Variants in BLTP1 observed in about 807,000 individuals in gnomAD.
The protein encoded by BLTP1 is fragile site-associated protein.
At chr4:122,284,556 A>G in the BLTP1 span, among the ~76,000 whole-genome samples, 1 of 152,180 alleles carries the variant, frequency 6.6e-6, no homozygotes, top group Non-Finnish European at 1.5e-5. Flanking sequence ...ATATGAATAT[A>G]TGCAGACATG....
the BLTP1 span, chr4:122,237,213 T>C: frequency 1.0e-6 from 1 of 985,442 alleles, no homozygotes; most frequent in South Asian, 4.7e-5. Flanking sequence ...AAAACAGGGA[T>C]GGTAGGAGGA....
chr4:122,258,851 A>G, the BLTP1 span: 3 of 1,577,688 alleles, frequency 1.9e-6, no homozygotes, highest in African/African-American at 2.7e-5. Flanking sequence ...AAGGTATATT[A>G]TTGCTCTTTT....
chr4:122,164,442 T>C, the BLTP1 span: 1 of 983,910 alleles, frequency 1.0e-6, no homozygotes, highest in African/African-American at 1.7e-5. Context: ...AGAATCTCCT[T>C]CCACTGATTA....
At chr4:122,209,414 A>C in the BLTP1 span, 1 of 1,406,244 alleles carries the variant, frequency 7.1e-7, no homozygotes, top group South Asian at 1.2e-5. Context: ...GGAGGCCGAG[A>C]TGGGTGGATC....
At chr4:122,250,197 A>T in the BLTP1 span, 1 of 372,088 alleles carries the variant, frequency 2.7e-6, no homozygotes, top group Non-Finnish European at 3.7e-6. Context: ...GTATATGCCT[A>T]CAATTATTTA....
At chr4:122,217,975 C>T in the BLTP1 span, among the ~76,000 whole-genome samples, 1 of 152,094 alleles carries the variant, frequency 6.6e-6, no homozygotes, top group South Asian at 2.1e-4. Context: ...TATCCATCTC[C>T]TCTGGATTTT....
At chr4:122,210,732 G>A in the BLTP1 span, 1 of 461,088 alleles carries the variant, frequency 2.2e-6, no homozygotes, top group Non-Finnish European at 2.8e-6. Flanking sequence ...TGGTCTTTTA[G>A]GTCTGTTTTC....
chr4:122,154,807 G>C, the BLTP1 span: 1 of 195,206 alleles, frequency 5.1e-6, no homozygotes, highest in African/African-American at 2.4e-5. Context: ...AGGAGGCAGA[G>C]CTTGCAGTGA....
the BLTP1 span, among the ~76,000 whole-genome samples, chr4:122,340,192 A>G: frequency 6.6e-6 from 1 of 152,144 alleles, no homozygotes; most frequent in Non-Finnish European, 1.5e-5. Flanking sequence ...GCTGGCAGCT[A>G]GAAGAGAAAC....
chr4:122,208,655 G>A, the BLTP1 span: 1 of 983,760 alleles, frequency 1.0e-6, no homozygotes, highest in Non-Finnish European at 1.2e-6. Context: ...AAACTATGCT[G>A]TTTCTTTCCC....
the BLTP1 span, chr4:122,262,041 C>T: frequency 7.1e-5 from 70 of 980,968 alleles, no homozygotes; most frequent in African/African-American, 7.9e-4. Flanking sequence ...TTCTGACTCC[C>T]GTAAAAAAAT....
the BLTP1 span, among the ~76,000 whole-genome samples, chr4:122,161,883 G>A: frequency 6.6e-6 from 1 of 152,096 alleles, no homozygotes; most frequent in Admixed American, 6.5e-5. Context: ...AATATTTATT[G>A]AGAGACTGCT....
At chr4:122,342,419 C>T in the BLTP1 span, among the ~76,000 whole-genome samples, 7 of 151,886 alleles carry the variant, frequency 4.6e-5, no homozygotes, top group Non-Finnish European at 1.0e-4. Context: ...GTAGTGGCGC[C>T]ATCTCAGCTC....
chr4:122,187,939 C>A, the BLTP1 span: 1 of 1,591,422 alleles, frequency 6.3e-7, no homozygotes, highest in East Asian at 2.3e-5. Flanking sequence ...AAACTCTGTG[C>A]ATCAACTTTG....
chr4:122,152,888 A>G, the BLTP1 span: 1 of 596,888 alleles, frequency 1.7e-6, no homozygotes, highest in East Asian at 1.5e-4. Context: ...CTCGGCAGGA[A>G]GGACCGTGCA....
the BLTP1 span, chr4:122,336,120 A>T: frequency 1.6e-6 from 2 of 1,272,156 alleles, no homozygotes; most frequent in Non-Finnish European, 2.2e-6. Context: ...ATTAAACTTT[A>T]ATATAATTCA....
chr4:122,286,586 G>A, the BLTP1 span: 18 of 1,613,908 alleles, frequency 1.1e-5, no homozygotes, highest in Middle Eastern at 1.6e-4. Context: ...CACAGATTGC[G>A]TTTTACTTCA....
chr4:122,175,798 G>T, the BLTP1 span: 2 of 1,224,178 alleles, frequency 1.6e-6, no homozygotes, highest in South Asian at 2.5e-5. Context: ...ACTAAGAAAT[G>T]AGTTAAGTAA....
At chr4:122,185,098 A>G in the BLTP1 span, 9 of 984,886 alleles carry the variant, frequency 9.1e-6, no homozygotes, top group Non-Finnish European at 1.1e-5. Context: ...TGGCTGGCTC[A>G]GACTTGTAAG....
Sources: allele counts gnomAD v4.1 joint callset (sites outside exome capture counted in the v4.1 genomes callset), GRCh38; gene constraint gnomAD v4.1.1; transcripts MANE v1.5; gene names NCBI Gene and HGNC (gene_info 2026-07-23, HGNC 2026-07-21).